The following ZNF479 variants were observed in gnomAD, a reference collection of about 807,000 sequenced individuals.
ZNF479 encodes the protein zinc finger protein 479.
ZNF479 carries 15 observed loss-of-function variants against 14.7 expected under a neutral mutation model. The observed-to-expected ratio is 1.02, with a 90% confidence interval of 0.68 to 1.57. The LOEUF (loss-of-function observed/expected upper bound fraction) is 1.57, where lower values mean the gene tolerates loss of function less well. Ranked by LOEUF, ZNF479 falls within the 40% of genes most tolerant of loss-of-function variation. The pLI is 0.00. For synonymous variants in ZNF479, 145 were observed against 211.5 expected (o/e 0.69, Z 2.73); for missense variants, 506 against 615.1 (o/e 0.82, Z 1.88).
Position 57,120,003 on chromosome 7 carries a change from C to T in ZNF479, c.1412G>A (p.Gly471Asp). 1 of 1,613,270 alleles carries T rather than the reference C, an allele frequency of 6.2e-7. No individual in the cohort carries two copies. Among genetic ancestry groups the T allele is most frequent in the Non-Finnish European group, 8.5e-7 (1 of 1,179,630 alleles). Residue 471 changes from glycine to aspartate, a missense_variant, in exon 4 of 4, where the codon GGC (glycine) becomes GAC (aspartate). Coordinates refer to ENST00000319636, the MANE Select transcript of ZNF479 (RefSeq NM_001370129.2). ...GGTTGAGGAGCAATTAAAGGCTTTG[C>T]CACATTCTTCACATGTGTAGGGTCT... ...GERPYTCEEC[G>D]KAFNCSSTLM... is the part of the protein sequence containing the mutation.
At chr7:57,134,084 A>G (rs1292099674), upstream of ZNF479, among the ~76,000 whole-genome samples, 1 of 152,176 alleles carries the variant, frequency 6.6e-6, no homozygotes, top group Non-Finnish European at 1.5e-5. Flanking sequence ...CCCTGTAGCT[A>G]TGTCAGAGGC....
intron 1 of ZNF479, among the ~76,000 whole-genome samples, chr7:57,129,345 G>A (rs528964069): frequency 2.0e-5 from 3 of 152,240 alleles, no homozygotes; most frequent in African/African-American, 7.2e-5. Flanking sequence ...ATCCAAAAGG[G>A]TCCAGGAATG....
At position 57,131,596 on chromosome 7, in the gene ZNF479, A is replaced by C. The variant is rs868472790; in HGVS notation, c.39+690T>G. ...AAAACAAACAAACAAACAAAAAAAAAACATTTCTTGTAAATTACTATCTTG... is the reference window on the plus strand; with the variant it reads ...AAAACAAACAAACAAACAAAAAAAACACATTTCTTGTAAATTACTATCTTG... On this transcript the variant is annotated intron_variant, in intron 1 of 3. Coordinates refer to ENST00000319636, the MANE Select transcript of ZNF479 (RefSeq NM_001370129.2). 7.3e-5 allele frequency among the ~76,000 whole-genome samples: 10 copies of C among 137,632 alleles called. 1 individual carries two copies. The highest frequency in any genetic ancestry group is 4.9e-4 in the South Asian group (2 of 4,048). 90.3% of individuals were successfully genotyped at this position (137,632 alleles called of 152,430 possible).
chr7:57,131,633 T>G lies in ZNF479; in HGVS notation c.39+653A>C, dbSNP rs1184060881. ...AAATTACTATCTTGAAGAAAATATT[T>G]GGCCTAGGCAACCACAGACTGCCAA... On this transcript the variant is annotated intron_variant, in intron 1 of 3. Coordinates refer to ENST00000319636, the MANE Select transcript of ZNF479 (RefSeq NM_001370129.2). Among the ~76,000 whole-genome samples the G allele has an allele frequency of 3.0e-4, 44 of 149,082 alleles. 1 individual carries two copies. Among genetic ancestry groups the G allele is most frequent in the African/African-American group, 9.7e-4 (40 of 41,044 alleles).
At chr7:57,135,387 A>G (rs1392933385), upstream of ZNF479, among the ~76,000 whole-genome samples, 2 of 151,914 alleles carry the variant, frequency 1.3e-5, no homozygotes. Flanking sequence ...AATGTTAACC[A>G]TTGCTGTCTT....
At chr7:57,122,021 T>C (rs1785975532) in intron 3 of ZNF479, among the ~76,000 whole-genome samples, 1 of 151,332 alleles carries the variant, frequency 6.6e-6, no homozygotes, top group Non-Finnish European at 1.5e-5. Context: ...AATTTTAAAG[T>C]AAGAAAAAAG....
chr7:57,123,323 A>AGG (rs1250514079), intron 3 of ZNF479, among the ~76,000 whole-genome samples: 1 of 152,178 alleles, frequency 6.6e-6, no homozygotes, highest in Non-Finnish European at 1.5e-5. Context: ...GTCATTCATG[A>AGG]GGGGATTTGT....
intron 3 of ZNF479, 93 bp downstream of exon 3, chr7:57,125,925 G>C: frequency 6.6e-7 from 1 of 1,514,132 alleles, no homozygotes. Flanking sequence ...TTTCATCAAA[G>C]CACAGCTCCC....
At position 57,120,869 on chromosome 7, in the gene ZNF479, A is replaced by T. The variant is rs570083671; in HGVS notation, c.546T>A (p.Asn182Lys). ...CATATTTGTTACATTTGAAATGTTT[A>T]TTTCCAGTATATCTTGTTTTATCTC... ...SNRDKTRYTG[N>K]KHFKCNKYGK... The change falls in exon 4 of 4, where the codon AAT becomes AAA. Residue 182 changes from asparagine (N) to lysine (K), a missense_variant. Coordinates refer to ENST00000319636, the MANE Select transcript of ZNF479 (RefSeq NM_001370129.2). 6.2e-7 allele frequency: 1 copy of T among 1,613,554 alleles called. No homozygotes were observed. Among genetic ancestry groups the T allele is most frequent in the Non-Finnish European group, 8.5e-7 (1 of 1,179,960 alleles).
intron 3 of ZNF479, among the ~76,000 whole-genome samples, chr7:57,123,509 C>T (rs916444102): frequency 2.0e-5 from 3 of 152,190 alleles, no homozygotes; most frequent in Admixed American, 6.6e-5. Context: ...GCACCTGGTG[C>T]GTTCTGTTAG....
At position 57,118,731 on chromosome 7, in the gene ZNF479, G is replaced by C. The variant is rs1471149771; in HGVS notation, c.*1109C>G. Among the ~76,000 whole-genome samples, 1 of 152,086 alleles carries C rather than the reference G, an allele frequency of 6.6e-6. No homozygotes were observed. The highest frequency in any genetic ancestry group is 1.5e-5 in the Non-Finnish European group (1 of 68,010). On this transcript the variant is annotated 3_prime_UTR_variant, in exon 4 of 4. Coordinates refer to ENST00000319636, the MANE Select transcript of ZNF479 (RefSeq NM_001370129.2). ...GAGTAAGATGTGACCTGATATTAAT[G>C]GTTTTTCACATTCTTTGTACAATTT...
At chr7:57,135,018 C>T (rs1786585970), upstream of ZNF479, among the ~76,000 whole-genome samples, 3 of 152,086 alleles carry the variant, frequency 2.0e-5, no homozygotes, top group South Asian at 6.2e-4. Context: ...AGAACCCAAT[C>T]TTCGTTTCTG....
chr7:57,119,022 T>G lies in ZNF479; in HGVS notation c.*818A>C, dbSNP rs1554399496. 2.0e-5 allele frequency among the ~76,000 whole-genome samples: 3 copies of G among 152,268 alleles called. No individual in the cohort carries two copies. The highest frequency in any genetic ancestry group is 2.0e-4 in the Admixed American group (3 of 15,296). Reference sequence around the variant, plus strand: ...GCAGAGTTTCTCTCCAGTATAAAATTTTTTAGTGAGTAAGCATGGAGAACC... The same window carrying G: ...GCAGAGTTTCTCTCCAGTATAAAATGTTTTAGTGAGTAAGCATGGAGAACC... On this transcript the variant is annotated 3_prime_UTR_variant, in exon 4 of 4. Coordinates refer to ENST00000319636, the MANE Select transcript of ZNF479 (RefSeq NM_001370129.2).
At chr7:57,133,727 G>A (rs867195817), upstream of ZNF479, among the ~76,000 whole-genome samples, 10 of 152,070 alleles carry the variant, frequency 6.6e-5, no homozygotes, top group Admixed American at 6.5e-5. Flanking sequence ...TTAGCTGGGC[G>A]TGGTGACAGG....
Position 57,118,051 on chromosome 7 carries a change from A to G in ZNF479, c.*1789T>C, listed in dbSNP as rs1448654288. Among the ~76,000 whole-genome samples, 2 of 152,210 alleles carry G rather than the reference A, an allele frequency of 1.3e-5. No homozygotes were observed. The highest frequency in any genetic ancestry group is 2.9e-5 in the Non-Finnish European group (2 of 68,038). On this transcript the variant is annotated 3_prime_UTR_variant, in exon 4 of 4. Transcript: ENST00000319636. ...TTATATAGACTTAATTTTTGATTTA[A>G]TATGTTTTCCCCATTTACTGGTTCT...
chr7:57,135,531 G>A (rs1479097369), upstream of ZNF479, among the ~76,000 whole-genome samples: 3 of 152,074 alleles, frequency 2.0e-5, no homozygotes, highest in Non-Finnish European at 2.9e-5. Flanking sequence ...TCCTTCCTCA[G>A]CTTCCCAAGT....
At chr7:57,135,671 C>G (rs566184446), upstream of ZNF479, among the ~76,000 whole-genome samples, 1 of 152,274 alleles carries the variant, frequency 6.6e-6, no homozygotes, top group East Asian at 1.9e-4. Flanking sequence ...CCTCAGCCTC[C>G]CAAAGTGCTG....
intron 1 of ZNF479, among the ~76,000 whole-genome samples, chr7:57,128,391 G>A (rs772140745): frequency 3.5e-4 from 53 of 152,290 alleles, no homozygotes; most frequent in Non-Finnish European, 5.4e-4. Context: ...AACTTTCTGT[G>A]TAATAAATGC....
intron 1 of ZNF479, among the ~76,000 whole-genome samples, chr7:57,138,025 G>A (rs1393258807): frequency 6.6e-6 from 1 of 152,164 alleles, no homozygotes; most frequent in Non-Finnish European, 1.5e-5. Context: ...GTGACATATT[G>A]CTTTTCCTAG....
Sources: allele counts gnomAD v4.1 joint callset (sites outside exome capture counted in the v4.1 genomes callset), GRCh38; gene constraint gnomAD v4.1.1; transcripts MANE v1.5; gene names NCBI Gene and HGNC (gene_info 2026-07-23, HGNC 2026-07-21).